ANO2: variants seen among roughly 807,000 people sequenced by gnomAD.
ANO2 encodes anoctamin 2, also known as anoctamin-2.
A neutral mutation model predicts 124.2 loss-of-function variants in ANO2; 101 were observed. The ratio of observed to expected loss-of-function variants is 0.81; its 90% CI spans 0.69 to 0.96. The LOEUF is 0.96. ANO2 is among the 40% of genes least tolerant of loss of function. The pLI, the probability that ANO2 is intolerant of heterozygous loss-of-function variation, is 0.00. For synonymous variants in ANO2, 486 were observed against 482.5 expected (o/e 1.01, Z -0.09); for missense variants, 1,293 against 1,274.5 (o/e 1.01, Z -0.22).
chr12:5,752,093 T>G (rs1012682472), intron 10 of ANO2, among the ~76,000 whole-genome samples: 1 of 152,202 alleles, frequency 6.6e-6, no homozygotes, highest in African/African-American at 2.4e-5. Flanking sequence ...CCATTGTGTG[T>G]CCACATTTTC....
At chr12:5,583,509 C>T (rs954549951) in intron 20 of ANO2, among the ~76,000 whole-genome samples, 1 of 151,156 alleles carries the variant, frequency 6.6e-6, no homozygotes, top group Non-Finnish European at 1.5e-5. Context: ...AAAAATTAGC[C>T]GGGCGCAGTG....
At chr12:5,814,270 G>A (rs1953530881) in intron 7 of ANO2, among the ~76,000 whole-genome samples, 1 of 152,220 alleles carries the variant, frequency 6.6e-6, no homozygotes, top group South Asian at 2.1e-4. Flanking sequence ...CAATCCCTTT[G>A]TAAATGGTTT....
intron 14 of ANO2, among the ~76,000 whole-genome samples, chr12:5,727,211 C>T (rs557495676): frequency 3.0e-4 from 46 of 152,044 alleles, no homozygotes; most frequent in African/African-American, 9.2e-4. Context: ...TGAGTGAGTT[C>T]CTGTGAGATC....
chr12:5,632,359 T>C (rs1267461573), intron 16 of ANO2, among the ~76,000 whole-genome samples: 1 of 151,872 alleles, frequency 6.6e-6, no homozygotes, highest in Non-Finnish European at 1.5e-5. Context: ...AGTCTGAACC[T>C]TAGTAAAGTG....
At chr12:5,606,307 C>T (rs1392817300) in intron 19 of ANO2, among the ~76,000 whole-genome samples, 5 of 152,148 alleles carry the variant, frequency 3.3e-5, no homozygotes, top group Non-Finnish European at 7.3e-5. Flanking sequence ...TTAGTTATTT[C>T]CTTTGCTGCT....
chr12:5,715,571 T>G lies in ANO2; in HGVS notation c.1545+16949A>C, dbSNP rs560134843. The stretch of plus-strand genomic sequence containing the variant: ...GGACATCTGTTCTCTCAGTGACACA[T>G]GCAAGAAGAGCAACAGCCTCCTGCT... On this transcript the variant is annotated intron_variant, in intron 14 of 24. Transcript: ENST00000682330. 5.3e-5 allele frequency among the ~76,000 whole-genome samples: 8 copies of G among 152,304 alleles called. 1 individual carries two copies. The highest frequency in any genetic ancestry group is 3.4e-3 in the Middle Eastern group (1 of 294).
intron 13 of ANO2, chr12:5,733,148 A>T: frequency 1.8e-6 from 1 of 548,862 alleles, no homozygotes; most frequent in Non-Finnish European, 3.3e-6. Flanking sequence ...CGACCAATAA[A>T]CATCAAAGTC....
chr12:5,634,841 C>A (rs1476395987), intron 16 of ANO2, among the ~76,000 whole-genome samples: 1 of 152,150 alleles, frequency 6.6e-6, no homozygotes, highest in East Asian at 1.9e-4. Flanking sequence ...GCCTTGCTTC[C>A]CAGGTTAGGC....
At chr12:5,883,934 T>G (rs1938699788) in intron 3 of ANO2, among the ~76,000 whole-genome samples, 1 of 152,180 alleles carries the variant, frequency 6.6e-6, no homozygotes, top group Admixed American at 6.5e-5. Flanking sequence ...TTATCTAACT[T>G]AAACCTAATC....
At chr12:5,703,312 T>C (rs1253511689) in intron 14 of ANO2, among the ~76,000 whole-genome samples, 1 of 152,196 alleles carries the variant, frequency 6.6e-6, no homozygotes. Flanking sequence ...ATTTAGTGTA[T>C]GTATGCACAA....
intron 14 of ANO2, among the ~76,000 whole-genome samples, chr12:5,691,093 G>C (rs1172745767): frequency 6.6e-6 from 1 of 152,074 alleles, no homozygotes; most frequent in Non-Finnish European, 1.5e-5. Flanking sequence ...ACTTTGGGAG[G>C]CTGAGGCAGG....
intron 1 of ANO2, among the ~76,000 whole-genome samples, chr12:5,923,192 ACACGCACG>A (rs1452752559): frequency 8.0e-6 from 1 of 125,660 alleles, no homozygotes; most frequent in African/African-American, 2.7e-5. Flanking sequence ...ACATACACAC[ACACGCACG>A]CACACACACC....
chr12:5,638,612 T>C (rs1255494174), intron 15 of ANO2, among the ~76,000 whole-genome samples: 2 of 151,642 alleles, frequency 1.3e-5, no homozygotes, highest in Non-Finnish European at 2.9e-5. Flanking sequence ...ACTGGGTATA[T>C]TCCATGTTTG....
At chr12:5,943,267 G>C (rs1056264075) in intron 1 of ANO2, among the ~76,000 whole-genome samples, 10 of 121,998 alleles carry the variant, frequency 8.2e-5, no homozygotes, top group East Asian at 2.5e-4. Flanking sequence ...GTCTGTGTTT[G>C]AGTGTGTGTT....
intron 14 of ANO2, among the ~76,000 whole-genome samples, chr12:5,690,574 T>C (rs544538104): frequency 6.6e-6 from 1 of 152,148 alleles, no homozygotes; most frequent in Non-Finnish European, 1.5e-5. Flanking sequence ...CAAGTCACCC[T>C]GGGGCAAGAG....
intron 19 of ANO2, among the ~76,000 whole-genome samples, chr12:5,612,266 G>A (rs372751852): frequency 2.6e-4 from 40 of 152,052 alleles, no homozygotes; most frequent in Non-Finnish European, 4.9e-4. Flanking sequence ...CATTTTCTTC[G>A]TATAGATTGT....
chr12:5,776,249 T>A (rs915087243), intron 10 of ANO2, among the ~76,000 whole-genome samples: 2 of 152,156 alleles, frequency 1.3e-5, no homozygotes, highest in Admixed American at 6.5e-5. Context: ...AACCACTCTT[T>A]GTAAAAGAAA....
chr12:5,841,943 C>T (rs1276172696), intron 4 of ANO2, among the ~76,000 whole-genome samples: 4 of 152,146 alleles, frequency 2.6e-5, no homozygotes, highest in Admixed American at 1.3e-4. Context: ...GATTATAGCT[C>T]GCTGCAGCCT....
intron 14 of ANO2, among the ~76,000 whole-genome samples, chr12:5,663,936 G>A (rs1947570127): frequency 6.6e-6 from 1 of 152,190 alleles, no homozygotes; most frequent in African/African-American, 2.4e-5. Flanking sequence ...TTGTGGTCCA[G>A]GATGCTTAGT....
Sources: allele counts gnomAD v4.1 joint callset (sites outside exome capture counted in the v4.1 genomes callset), GRCh38; gene constraint gnomAD v4.1.1; transcripts MANE v1.5; gene names NCBI Gene and HGNC (gene_info 2026-07-23, HGNC 2026-07-21).